SHPRH: variants seen among roughly 807,000 people sequenced by gnomAD.
SHPRH encodes SNF2 histone linker PHD RING helicase.
A neutral mutation model predicts 202.5 loss-of-function variants in SHPRH; 106 were observed. The ratio of observed to expected loss-of-function variants is 0.52; its 90% CI spans 0.45 to 0.62. The LOEUF is 0.62. Ranked by LOEUF, SHPRH falls within the 20% of genes least tolerant of loss-of-function variation. The pLI is 0.00. For missense variants in SHPRH, 1,710 were observed against 2,020.0 expected (o/e 0.85, Z 2.94); for synonymous variants, 729 against 686.0 (o/e 1.06, Z -0.98).
intron 27 of SHPRH, 140 bp from the exon 28 acceptor site, chr6:145,893,533 C>G: frequency 1.4e-6 from 1 of 731,854 alleles, no homozygotes. Flanking sequence ...TGCAAAATTA[C>G]CAACTTTAGA....
rs771160842 is a variant in SHPRH at position 145,926,197 on chromosome 6, T to C, written c.3294+7A>G. On this transcript the variant is annotated splice_region_variant and intron_variant, in intron 16 of 29. Coordinates refer to ENST00000275233, the MANE Select transcript of SHPRH (RefSeq NM_001042683.3). ...ACTTTTATAGACAGAATGAAAAAAA[T>C]AATTACCTCTTCCTCAAGTCGGCCA... 6.2e-7 allele frequency: 1 copy of C among 1,611,784 alleles called. No homozygotes were observed. The highest frequency in any genetic ancestry group is 8.5e-7 in the Non-Finnish European group (1 of 1,178,522).
At chr6:145,946,410 T>C (rs1175966309) in intron 6 of SHPRH, 69 bp from the exon 7 acceptor site, 2 of 1,250,120 alleles carry the variant, frequency 1.6e-6, no homozygotes, top group African/African-American at 3.1e-5. Context: ...TTATTGAAAT[T>C]AACTTTCCTT....
chr6:145,926,341 G>C, intron 15 of SHPRH, 45 bp from the exon 16 acceptor site: 1 of 1,502,614 alleles, frequency 6.7e-7, no homozygotes, highest in Middle Eastern at 1.7e-4. Flanking sequence ...CAATGCAGAA[G>C]ACTCTGAAGA....
rs1402518032 is a variant in SHPRH, at chr6:145,955,042, G to A, written c.281C>T (p.Pro94Leu). The A allele has an allele frequency of 2.5e-6, 4 of 1,613,174 alleles. No individual in the cohort carries two copies. Among genetic ancestry groups the A allele is most frequent in the East Asian group, 2.2e-5 (1 of 44,878 alleles). ...CACAATATTTAACTTTACAGACAAA[G>A]GGGAAAAAATACCAACAGTCTCTTC... ...EKEETVGIFSPLSVKLNIVIS... is the reference protein window; with the variant it reads ...EKEETVGIFSLLSVKLNIVIS... Residue 94 changes from proline to leucine, a missense_variant, in exon 2 of 30, where the codon CCT becomes CTT. Pro to Leu is a moderately conservative substitution (Grantham distance 98). Around this residue, in one of 8 missense-constraint regions of SHPRH, gnomAD observed 459 missense variants for 426.5 expected, o/e 1.08. Transcript: ENST00000275233.
chr6:145,922,578 CTA>C, intron 19 of SHPRH, 83 bp downstream of exon 19: 1 of 1,461,802 alleles, frequency 6.8e-7, no homozygotes, highest in Non-Finnish European at 9.1e-7. Context: ...AAAACCTTTA[CTA>C]TATGAGTCAA....
intron 25 of SHPRH, chr6:145,903,514 A>C (rs1477787132): frequency 6.6e-6 from 1 of 152,062 alleles, no homozygotes; most frequent in Non-Finnish European, 1.5e-5. Context: ...TCTGGACCAC[A>C]TCCCAGGTCT....
chr6:145,927,634 T>A (rs553934104), intron 14 of SHPRH, among the ~76,000 whole-genome samples: 1 of 151,932 alleles, frequency 6.6e-6, no homozygotes, highest in South Asian at 2.1e-4. Context: ...AAGGTGGCAA[T>A]CAGTAGTCAT....
In SHPRH at chr6:145,943,644, C is replaced by T. The variant is rs1278476797; in HGVS notation, c.1737G>A (p.Lys579=). 1 of 1,613,726 alleles carries T rather than the reference C, an allele frequency of 6.2e-7. No homozygotes were observed. The highest frequency in any genetic ancestry group is 2.2e-5 in the East Asian group (1 of 44,858). Reference sequence around the variant, plus strand: ...TTCCTTTTTTTGTGGATGGAACAAGCTTTTTCCTCAATTTACTGCGATTTC... The same window carrying T: ...TTCCTTTTTTTGTGGATGGAACAAGTTTTTTCCTCAATTTACTGCGATTTC... ...SRRNRSKLRK[K]LVPSTKKGKS... Residue 579 remains lysine, a synonymous_variant, in exon 9 of 30, where the codon AAG becomes AAA. Transcript: ENST00000275233.
intron 14 of SHPRH, among the ~76,000 whole-genome samples, chr6:145,932,362 A>G (rs1272038016): frequency 6.6e-6 from 1 of 152,224 alleles, no homozygotes; most frequent in Non-Finnish European, 1.5e-5. Context: ...GACAGTTTGT[A>G]AGATATTAGA....
chr6:145,906,971 T>G (rs1004623373), intron 25 of SHPRH: 1 of 152,182 alleles, frequency 6.6e-6, no homozygotes, highest in African/African-American at 2.4e-5. Context: ...TCCTTCTCAT[T>G]TTCCAGCCCT....
At chr6:145,924,938 T>G in intron 16 of SHPRH, 92 bp from the exon 17 acceptor site, 1 of 929,254 alleles carries the variant, frequency 1.1e-6, no homozygotes, top group Admixed American at 2.2e-5. Context: ...TTTATACATT[T>G]AAAGCTACTT....
At chr6:145,959,059 A>G (rs956971023) in intron 1 of SHPRH, among the ~76,000 whole-genome samples, 3 of 151,348 alleles carry the variant, frequency 2.0e-5, no homozygotes, top group Non-Finnish European at 2.9e-5. Flanking sequence ...ATGGTTTTGA[A>G]CTCCTGAACT....
At chr6:145,920,935 G>A (rs995675646) in intron 21 of SHPRH, among the ~76,000 whole-genome samples, 20 of 152,100 alleles carry the variant, frequency 1.3e-4, no homozygotes, top group African/African-American at 4.6e-4. Context: ...TTTCATATAA[G>A]TTCCAGTTTA....
intron 2 of SHPRH, among the ~76,000 whole-genome samples, chr6:145,871,770 G>A (rs1780065810): frequency 6.6e-6 from 1 of 152,184 alleles, no homozygotes; most frequent in Non-Finnish European, 1.5e-5. Context: ...CAAAGGTGGA[G>A]GCATCAGGCT....
chr6:145,937,043 G>A (rs569804230), intron 11 of SHPRH, among the ~76,000 whole-genome samples: 1 of 149,870 alleles, frequency 6.7e-6, no homozygotes, highest in South Asian at 2.1e-4. Flanking sequence ...GAGGGCAACG[G>A]TGCAATCTCA....
chr6:145,880,601 C>T (rs770951996), downstream of SHPRH, among the ~76,000 whole-genome samples: 17 of 148,960 alleles, frequency 1.1e-4, no homozygotes, highest in African/African-American at 2.5e-5. Flanking sequence ...TGCACTCCAA[C>T]GTGGGTAACA....
rs79840441 is a variant in SHPRH at position 145,926,910 on chromosome 6, C to T, written c.3201+279G>A. ...ATGTCAAAGTGATAAAACTGACCTA[C>T]TCTTGGAAGTACAAGTACTTTGAGC... is the stretch of plus-strand genomic sequence containing the variant. On this transcript the variant is annotated intron_variant, in intron 15 of 29. Coordinates refer to ENST00000275233, the MANE Select transcript of SHPRH (RefSeq NM_001042683.3). 4.2e-3 allele frequency among the ~76,000 whole-genome samples: 635 copies of T among 151,976 alleles called. 18 individuals are homozygous for T. In the East Asian group the frequency reaches 0.071, roughly 17 times the overall value.
At position 145,886,545 on chromosome 6, in the gene SHPRH, C is replaced by A; in HGVS notation, c.*146G>T. The A allele has an allele frequency of 7.1e-7, 1 of 1,413,060 alleles. No homozygotes were observed. The highest frequency in any genetic ancestry group is 9.6e-7 in the Non-Finnish European group (1 of 1,040,614). The allele number at this position is 1,413,060 out of a possible 1,614,324, so 87.5% of individuals were successfully genotyped here. A position where few individuals can be genotyped will look rare whatever the true frequency, so the allele number is the denominator to read the frequency against. On this transcript the variant is annotated 3_prime_UTR_variant, in exon 30 of 30. Transcript: ENST00000275233. The stretch of plus-strand genomic sequence containing the variant: ...GAAAAGGACTCAATAAGTACTAAGC[C>A]ACTGTATAACCAGAACAATAAACAA...
chr6:145,909,431 T>A (rs1052767265), intron 25 of SHPRH: 2 of 152,088 alleles, frequency 1.3e-5, no homozygotes, highest in Non-Finnish European at 2.9e-5. Context: ...CCCAACAGAC[T>A]AAAGAGCAAT....
Sources: allele counts gnomAD v4.1 joint callset (sites outside exome capture counted in the v4.1 genomes callset), GRCh38; gene constraint gnomAD v4.1.1; regional missense constraint gnomAD v4.1.1; transcripts MANE v1.5; gene names NCBI Gene and HGNC (gene_info 2026-07-23, HGNC 2026-07-21).